The following EFHB variants were observed in gnomAD, a reference collection of about 807,000 sequenced individuals.
The protein encoded by EFHB is EF-hand domain family member B.
EFHB carries 91 observed loss-of-function variants against 87.2 expected under a neutral mutation model. That is an observed-to-expected ratio of 1.04 (90% confidence interval 0.88 to 1.24). EFHB has a LOEUF of 1.24. EFHB is among the 50% of genes most tolerant of loss of function. EFHB has a pLI of 0.00. For synonymous variants in EFHB, 325 were observed against 333.6 expected, an observed-to-expected ratio of 0.97 and a Z score of 0.28; for missense variants, 1,084 against 998.8, an observed-to-expected ratio of 1.09 and a Z score of -1.15.
chr3:19,896,415 C>T (rs1353267774), intron 9 of EFHB: 2 of 472,324 alleles, frequency 4.2e-6, no homozygotes, highest in Non-Finnish European at 7.8e-6. Context: ...CAAATGTCTT[C>T]TGTTAAGGGG....
intron 2 of EFHB, 82 bp from the exon 3 acceptor site, chr3:19,920,058 C>T: frequency 1.4e-6 from 2 of 1,464,082 alleles, no homozygotes; most frequent in Non-Finnish European, 1.9e-6. Flanking sequence ...AATCAACCAA[C>T]AACCTTAAGT....
At chr3:19,882,879 T>TA (rs200911370) in intron 11 of EFHB, 148 bp from the exon 12 acceptor site, 9 of 521,700 alleles carry the variant, frequency 1.7e-5, no homozygotes, top group South Asian at 7.5e-5. Context: ...AACATTTTAG[T>TA]AAAAAAAGGA....
rs987687855 is a variant in EFHB, at chr3:19,879,509, C to G, written c.*122G>C. 9.8e-6 allele frequency: 10 copies of G among 1,017,326 alleles called. No homozygotes were observed. Among genetic ancestry groups the G allele is most frequent in the Admixed American group, 2.9e-5 (1 of 34,724 alleles). The allele number at this position is 1,017,326 out of a possible 1,614,324, so 63.0% of individuals were successfully genotyped here. A position where few individuals can be genotyped will look rare whatever the true frequency, so the allele number is the denominator to read the frequency against. ...AAATCTAATTTATTAGCAACACATA[C>G]AGGCATATGAGTCTTACCACTGTGA... On this transcript the variant is annotated 3_prime_UTR_variant, in exon 13 of 13. Transcript: ENST00000295824.
intron 6 of EFHB, 118 bp downstream of exon 6, chr3:19,905,502 C>A: frequency 8.8e-7 from 1 of 1,135,102 alleles, no homozygotes. Flanking sequence ...TTTTTCTAGT[C>A]ATCTTGTTTG....
Position 19,933,734 on chromosome 3 carries a change from T to C in EFHB, c.285A>G (p.Ser95=). The C allele has an allele frequency of 6.2e-7, 1 of 1,613,960 alleles. No individual in the cohort carries two copies. Among genetic ancestry groups the C allele is most frequent in the South Asian group, 1.1e-5 (1 of 91,084 alleles). ...QRGSLGVDSV[S]ASQGTKPSLL... ...GAGAAGGTTTTGTTCCCTGTGAAGC[T>C]GAGACACTGTCGACTCCTAAACTAC... Residue 95 remains serine, a synonymous_variant, in exon 1 of 13, where the codon TCA becomes TCG. Coordinates refer to ENST00000295824, the MANE Select transcript of EFHB (RefSeq NM_144715.4).
chr3:19,905,805 G>A (rs1254239410), intron 5 of EFHB, 56 bp from the exon 6 acceptor site: 25 of 1,528,796 alleles, frequency 1.6e-5, no homozygotes, highest in African/African-American at 4.1e-5. Flanking sequence ...ACCTTATCAT[G>A]CAAGATGCAC....
intron 1 of EFHB, 94 bp from the exon 2 acceptor site, chr3:19,920,661 G>T: frequency 1.0e-6 from 1 of 957,446 alleles, no homozygotes; most frequent in Non-Finnish European, 1.6e-6. Flanking sequence ...ATGCCTCTGA[G>T]GCTACAAAGT....
chr3:19,884,912 T>C (rs1392822642), intron 10 of EFHB, among the ~76,000 whole-genome samples: 1 of 139,280 alleles, frequency 7.2e-6, no homozygotes, highest in Non-Finnish European at 1.5e-5. Flanking sequence ...TCATTTCTTT[T>C]CTTAAAAAAA....
At chr3:19,944,378 T>C (rs1436584883) in intron 1 of EFHB, among the ~76,000 whole-genome samples, 1 of 152,214 alleles carries the variant, frequency 6.6e-6, no homozygotes, top group Non-Finnish European at 1.5e-5. Flanking sequence ...TAAGTCTTCA[T>C]GATTATTTAT....
Position 19,898,787 on chromosome 3 carries a change from C to G in EFHB, c.1561G>C (p.Glu521Gln). ...DCTFGACLRP[E>Q]EYGVGDLIHN... ...AAGTGTGTATATTTACCATATTCCT[C>G]AGGACGGAGACAAGCTCCAAATGTG... The change falls in exon 8 of 13, where the codon GAG (glutamate) becomes CAG (glutamine). Residue 521 changes from glutamate (E) to glutamine (Q), a missense_variant. By Grantham distance (29) the Glu-to-Gln change is conservative. Coordinates refer to ENST00000295824, the MANE Select transcript of EFHB (RefSeq NM_144715.4). 1 of 1,613,558 alleles carries G rather than the reference C, an allele frequency of 6.2e-7. No individual in the cohort carries two copies. Among genetic ancestry groups the G allele is most frequent in the Non-Finnish European group, 8.5e-7 (1 of 1,179,728 alleles).
chr3:19,936,594 G>A (rs945733952), upstream of EFHB, among the ~76,000 whole-genome samples: 2 of 151,982 alleles, frequency 1.3e-5, no homozygotes, highest in South Asian at 2.1e-4. Context: ...AAGGCCAGGC[G>A]CAGTGGCTCA....
chr3:19,911,684 C>G (rs1349042260), intron 5 of EFHB, among the ~76,000 whole-genome samples: 1 of 151,578 alleles, frequency 6.6e-6, no homozygotes, highest in African/African-American at 2.4e-5. Flanking sequence ...ATTGATCAAG[C>G]AGAAGAAAGA....
chr3:19,898,114 A>G (rs1694546817), intron 8 of EFHB, among the ~76,000 whole-genome samples: 1 of 152,156 alleles, frequency 6.6e-6, no homozygotes, highest in African/African-American at 2.4e-5. Flanking sequence ...GCTGTAGCAT[A>G]TTTTTCCCTT....
In EFHB at chr3:19,905,628, T is replaced by C; in HGVS notation, c.1410A>G (p.Glu470=). 6.2e-7 allele frequency: 1 copy of C among 1,613,426 alleles called. No individual in the cohort carries two copies. The highest frequency in any genetic ancestry group is 8.5e-7 in the Non-Finnish European group (1 of 1,179,536). The part of the protein sequence containing the change: ...AMAKSLYWLH[E]LQMKRGAKFV... ...AGTATAATTAAACTTACATTTGTAGTTCATGGAGCCAATATAGAGATTTTG... is the reference window on the plus strand; with the variant it reads ...AGTATAATTAAACTTACATTTGTAGCTCATGGAGCCAATATAGAGATTTTG... Residue 470 remains glutamate, a synonymous_variant, in exon 6 of 13, where the codon GAA becomes GAG. Transcript: ENST00000295824.
In EFHB at chr3:19,882,734, AGGTCAT is replaced by A. The variant is rs2071711458; in HGVS notation, c.2147-9_2147-4del. On this transcript the variant is annotated splice_polypyrimidine_tract_variant and splice_region_variant and intron_variant, in intron 11 of 12. Transcript: ENST00000295824. ...TGGAACACCACAAATGGGGTAACCT[AGGTCAT>A]TGATGAGGGAAGAAAACAGACATTC... 1.2e-6 allele frequency: 2 copies of A among 1,608,830 alleles called. No individual in the cohort carries two copies. Among genetic ancestry groups the A allele is most frequent in the African/African-American group, 2.7e-5 (2 of 74,848 alleles).
rs767165684 is a variant in EFHB, at chr3:19,933,279, C to T, written c.740G>A (p.Arg247Lys). The change falls in exon 1 of 13, where the codon AGA becomes AAA. Residue 247 changes from arginine (R) to lysine (K), a missense_variant. Arg to Lys is a conservative substitution (Grantham distance 26). Transcript: ENST00000295824. ...ESGVEPPDRI[R>K]PIYSGKFFDR... is the part of the protein sequence containing the mutation. The stretch of plus-strand genomic sequence containing the variant: ...AAAAAACTTCCCAGAGTATATGGGT[C>T]TGATGCGATCTGGAGGTTCCACTCC... The T allele has an allele frequency of 6.2e-7, 1 of 1,614,028 alleles. No homozygotes were observed. Among genetic ancestry groups the T allele is most frequent in the South Asian group, 1.1e-5 (1 of 91,090 alleles).
chr3:19,889,338 T>C (rs991385227), intron 9 of EFHB, among the ~76,000 whole-genome samples: 3 of 152,214 alleles, frequency 2.0e-5, no homozygotes, highest in Non-Finnish European at 4.4e-5. Flanking sequence ...CAGTCCCTCC[T>C]GCAGTCTATC....
At chr3:19,886,707 A>T (rs530545015) in intron 10 of EFHB, among the ~76,000 whole-genome samples, 7 of 148,412 alleles carry the variant, frequency 4.7e-5, no homozygotes, top group Non-Finnish European at 7.5e-5. Flanking sequence ...AAAAAAAGCA[A>T]GGCAAATGAG....
chr3:19,936,985 A>G (rs897421418), upstream of EFHB, among the ~76,000 whole-genome samples: 5 of 152,008 alleles, frequency 3.3e-5, no homozygotes, highest in African/African-American at 4.8e-5. Flanking sequence ...CCTGGCCAAC[A>G]TGACGAAACC....
Sources: allele counts gnomAD v4.1 joint callset (sites outside exome capture counted in the v4.1 genomes callset), GRCh38; gene constraint gnomAD v4.1.1; transcripts MANE v1.5; gene names NCBI Gene and HGNC (gene_info 2026-07-23, HGNC 2026-07-21).